IRAK1BP1: variants seen among roughly 807,000 people sequenced by gnomAD.
The protein encoded by IRAK1BP1 is interleukin 1 receptor associated kinase 1 binding protein 1.
In IRAK1BP1, 24 loss-of-function variants were observed where a neutral mutation model predicts 28.0. The ratio of observed to expected loss-of-function variants is 0.86; its 90% CI spans 0.62 to 1.20. The LOEUF (loss-of-function observed/expected upper bound fraction) is 1.20. Among genes scored for constraint, IRAK1BP1 ranks in the 50% most tolerant of loss-of-function variants. The pLI, the probability that IRAK1BP1 is intolerant of heterozygous loss-of-function variation, is 0.00. For missense variants in IRAK1BP1, 336 were observed against 316.7 expected (o/e 1.06, Z -0.46); for synonymous variants, 131 against 116.3 (o/e 1.13, Z -0.81).
intron 4 of IRAK1BP1, among the ~76,000 whole-genome samples, chr6:78,911,566 TAAC>T (rs1221756467): frequency 5.3e-5 from 8 of 152,346 alleles, no homozygotes; most frequent in African/African-American, 1.9e-4. Context: ...TGAAAACTGA[TAAC>T]ATCATATCCT....
the IRAK1BP1 span, among the ~76,000 whole-genome samples, chr6:78,977,196 A>G: frequency 4.0e-5 from 6 of 151,114 alleles, no homozygotes; most frequent in African/African-American, 1.2e-4. Flanking sequence ...CTATGCAGCT[A>G]TAAAAAATGA....
intron 2 of IRAK1BP1, among the ~76,000 whole-genome samples, chr6:78,889,684 G>A (rs527525642): frequency 1.4e-4 from 22 of 152,016 alleles, no homozygotes; most frequent in Non-Finnish European, 2.5e-4. Context: ...CATCATCACC[G>A]GTCATTAGAG....
exon 5 of IRAK1BP1, chr6:78,946,169 T>G (rs1773802598): frequency 6.2e-7 from 1 of 1,613,964 alleles, no homozygotes; most frequent in Non-Finnish European, 8.5e-7. Flanking sequence ...GCATTGTGTC[T>G]TGGCGGTATT....
intron 2 of IRAK1BP1, among the ~76,000 whole-genome samples, chr6:78,892,337 A>T (rs543187217): frequency 6.6e-6 from 1 of 152,272 alleles, no homozygotes; most frequent in Non-Finnish European, 1.5e-5. Flanking sequence ...ATTTCTAATA[A>T]CACATGCAAG....
intron 1 of IRAK1BP1, among the ~76,000 whole-genome samples, chr6:78,873,663 G>A (rs1317425382): frequency 1.3e-5 from 2 of 152,016 alleles, no homozygotes; most frequent in African/African-American, 4.8e-5. Flanking sequence ...TAGAGACGGG[G>A]TCTTACTATG....
In IRAK1BP1 at chr6:78,919,556, T is replaced by A. The variant is rs190372460; in HGVS notation, c.*67+16446T>A. ...AACACAAAAGATTATCAGAGACTAT[T>A]ATGAACATCTGTATACACACAAACT... On this transcript the variant is annotated intron_variant and NMD_transcript_variant, in intron 4 of 4. Coordinates refer to the IRAK1BP1 transcript ENST00000606868. Among the ~76,000 whole-genome samples the A allele has an allele frequency of 8.6e-3, 1,307 of 152,250 alleles. 7 individuals are homozygous for A. Among genetic ancestry groups the A allele is most frequent in the Non-Finnish European group, 0.012 (837 of 68,006 alleles).
chr6:78,917,355 C>A (rs191459927), intron 4 of IRAK1BP1, among the ~76,000 whole-genome samples: 9 of 151,834 alleles, frequency 5.9e-5, no homozygotes, highest in Non-Finnish European at 1.0e-4. Context: ...TTCAAATTAG[C>A]CAGACAAAAG....
chr6:78,912,085 A>C (rs1772441601), intron 4 of IRAK1BP1, among the ~76,000 whole-genome samples: 1 of 152,200 alleles, frequency 6.6e-6, no homozygotes, highest in South Asian at 2.1e-4. Context: ...TTGACTTGGC[A>C]ATTCATAAAG....
the IRAK1BP1 span, among the ~76,000 whole-genome samples, chr6:78,969,058 T>C: frequency 1.1e-4 from 16 of 152,212 alleles, no homozygotes; most frequent in African/African-American, 2.4e-4. Flanking sequence ...CCTTATTTGA[T>C]GAAACACATC....
chr6:78,909,919 A>G (rs1020442179), intron 4 of IRAK1BP1, among the ~76,000 whole-genome samples: 9 of 152,308 alleles, frequency 5.9e-5, no homozygotes, highest in African/African-American at 1.9e-4. Context: ...TAATTTTTTA[A>G]TGGCATCTTT....
the IRAK1BP1 span, among the ~76,000 whole-genome samples, chr6:78,971,731 A>G: frequency 2.0e-5 from 3 of 152,068 alleles, no homozygotes; most frequent in Non-Finnish European, 4.4e-5. Context: ...ACAGGGAGTC[A>G]GGGAGTTCCC....
chr6:78,877,435 G>A (rs1003576753), intron 1 of IRAK1BP1, among the ~76,000 whole-genome samples: 3 of 152,270 alleles, frequency 2.0e-5, no homozygotes, highest in African/African-American at 7.2e-5. Context: ...ATATAGAGAA[G>A]CAAGATAACT....
In IRAK1BP1 at chr6:78,898,389, TATA is replaced by T. The variant is rs905353234; in HGVS notation, c.*58_*60del. 9.7e-5 allele frequency: 75 copies of T among 772,212 alleles called. No homozygotes were observed. The Middle Eastern group carries it at 2.2e-3, about 23-fold the overall frequency. The allele number at this position is 772,212 out of a possible 1,614,324, so 47.8% of individuals were successfully genotyped here. On this transcript the variant is annotated 3_prime_UTR_variant, in exon 4 of 4. Coordinates refer to ENST00000369940, the MANE Select transcript of IRAK1BP1 (RefSeq NM_001010844.4). ...TCTTTTTACCTATTTTTATACTTTTTATAATGTTTACGTTTGTCCTGAATATAT... is the reference window on the plus strand; with the variant it reads ...TCTTTTTACCTATTTTTATACTTTTTATGTTTACGTTTGTCCTGAATATAT...
At chr6:78,930,275 T>C (rs1000887703) in intron 4 of IRAK1BP1, among the ~76,000 whole-genome samples, 2 of 152,192 alleles carry the variant, frequency 1.3e-5, no homozygotes, top group Non-Finnish European at 2.9e-5. Context: ...TGAACATAAT[T>C]TCAAAGATCC....
At position 78,895,552 on chromosome 6, in the gene IRAK1BP1, A is replaced by T. The variant is rs545953226; in HGVS notation, c.382-2277A>T. On this transcript the variant is annotated intron_variant, in intron 2 of 3. Transcript: ENST00000369940. ...CATGCAGGTATAAAGAATAATATTA[A>T]TACATAATGACCAAGTGTGTATCCC... is the stretch of plus-strand genomic sequence containing the variant. Among the ~76,000 whole-genome samples, 151 of 152,354 alleles carry T rather than the reference A, an allele frequency of 9.9e-4. 2 individuals carry two copies. The highest frequency in any genetic ancestry group is 6.8e-3 in the Middle Eastern group (2 of 294).
chr6:78,881,845 C>G (rs1042102275), intron 1 of IRAK1BP1, among the ~76,000 whole-genome samples: 1 of 152,026 alleles, frequency 6.6e-6, no homozygotes, highest in African/African-American at 2.4e-5. Context: ...AGCCAGGTTT[C>G]TCACTATCAG....
chr6:78,913,600 T>G (rs2127662660), intron 4 of IRAK1BP1, among the ~76,000 whole-genome samples: 1 of 152,174 alleles, frequency 6.6e-6, no homozygotes, highest in African/African-American at 2.4e-5. Flanking sequence ...GAGCCAAGAT[T>G]ACACACTGTA....
chr6:78,933,693 T>C (rs1773148714), intron 4 of IRAK1BP1, among the ~76,000 whole-genome samples: 1 of 148,670 alleles, frequency 6.7e-6, no homozygotes, highest in African/African-American at 2.5e-5. Flanking sequence ...TTTTGGCAGC[T>C]TTCTTGCCTC....
At chr6:78,893,312 G>GTATATATATATATATA (rs1188973498) in intron 2 of IRAK1BP1, among the ~76,000 whole-genome samples, 2 of 64,180 alleles carry the variant, frequency 3.1e-5, no homozygotes, top group Non-Finnish European at 6.3e-5. Context: ...GTGTGTGTGT[G>GTATATATATATATATA]TGTATATATA....
Sources: gnomAD v4.1 joint callset for allele counts (sites outside exome capture counted in the v4.1 genomes callset) on GRCh38, gnomAD v4.1.1 for gene constraint, MANE v1.5 for transcripts, NCBI Gene and HGNC (gene_info 2026-07-23, HGNC 2026-07-21) for gene names.